RRM1: variants seen among roughly 807,000 people sequenced by gnomAD.
RRM1 encodes ribonucleoside-diphosphate reductase large subunit.
In RRM1, 19 loss-of-function variants were observed where a neutral mutation model predicts 101.5. The ratio of observed to expected loss-of-function variants is 0.19; its 90% CI spans 0.13 to 0.27. RRM1 has a LOEUF of 0.27. Ranked by LOEUF, RRM1 falls within the 10% of genes least tolerant of loss-of-function variation. The pLI, the probability that RRM1 is intolerant of heterozygous loss-of-function variation, is 1.00. For synonymous variants in RRM1, 298 were observed against 323.4 expected (o/e 0.92, Z 0.84); for missense variants, 500 against 962.9 (o/e 0.52, Z 6.36).
chr11:4,097,027 G>A (rs556670714), intron 1 of RRM1, among the ~76,000 whole-genome samples: 63 of 151,968 alleles, frequency 4.1e-4, no homozygotes, highest in Non-Finnish European at 7.5e-4. Flanking sequence ...GCTCACGCCT[G>A]TAATCCCAGC....
intron 4 of RRM1, among the ~76,000 whole-genome samples, chr11:4,108,597 CAAAAA>C: frequency 1.4e-5 from 1 of 72,992 alleles, no homozygotes; most frequent in South Asian, 6.5e-4. Flanking sequence ...GACTCAGTCT[CAAAAA>C]AAAAAAAAAA....
At chr11:4,123,523 A>G in intron 12 of RRM1, 139 bp downstream of exon 12, 1 of 693,654 alleles carries the variant, frequency 1.4e-6, no homozygotes, top group Non-Finnish European at 2.5e-6. Flanking sequence ...TGTTAAAGGC[A>G]GAGAGCAAAG....
rs538858291 is a variant in RRM1 at position 4,134,009 on chromosome 11, C to T, written c.2001+351C>T. Among the ~76,000 whole-genome samples the T allele has an allele frequency of 4.4e-3, 318 of 71,942 alleles. 1 individual carries two copies. The highest frequency in any genetic ancestry group is 6.1e-3 in the Non-Finnish European group (251 of 41,402). 47.2% of individuals were successfully genotyped at this position (71,942 alleles called of 152,430 possible). A position where few individuals can be genotyped will look rare whatever the true frequency, so the allele number is the denominator to read the frequency against. On this transcript the variant is annotated intron_variant, in intron 17 of 18. Coordinates refer to ENST00000300738, the MANE Select transcript of RRM1 (RefSeq NM_001033.5). Reference sequence around the variant, plus strand: ...TTTTTTTTTTTTTTTTTTTTTGAGACGAAGTCTCTGTCGCCCAGGCTGGAG... The same window carrying T: ...TTTTTTTTTTTTTTTTTTTTTGAGATGAAGTCTCTGTCGCCCAGGCTGGAG...
intron 7 of RRM1, among the ~76,000 whole-genome samples, chr11:4,112,649 C>T (rs545124856): frequency 1.4e-4 from 22 of 152,330 alleles, no homozygotes; most frequent in Non-Finnish European, 2.1e-4. Context: ...TAGGCATGAG[C>T]CACCACGCTT....
intron 3 of RRM1, among the ~76,000 whole-genome samples, chr11:4,106,679 C>T (rs1297860819): frequency 2.0e-5 from 3 of 151,852 alleles, no homozygotes; most frequent in Admixed American, 6.6e-5. Flanking sequence ...ACCCGGGAGG[C>T]GGAGGTTGCA....
rs769895469 is a variant in RRM1, at chr11:4,126,728, C to T, written c.1365C>T (p.Val455=). ...CTTCCCTGGCCCTGAATATGTATGT[C>T]ACATCAGAACACACATACGACTTTA... is the stretch of plus-strand genomic sequence containing the variant. ...NLASLALNMY[V]TSEHTYDFKK... is the part of the protein sequence containing the mutation. Residue 455 remains valine (V), a synonymous_variant, in exon 13 of 19, where the codon GTC becomes GTT. Transcript: ENST00000300738. 2 of 1,613,280 alleles carry T rather than the reference C, an allele frequency of 1.2e-6. No homozygotes were observed. Among genetic ancestry groups the T allele is most frequent in the African/African-American group, 2.7e-5 (2 of 74,888 alleles).
intron 18 of RRM1, 143 bp downstream of exon 18, chr11:4,135,413 G>A: frequency 3.4e-6 from 2 of 596,388 alleles, no homozygotes; most frequent in Non-Finnish European, 5.5e-6. Flanking sequence ...ACCAACCCAT[G>A]GTTTTTGTAC....
chr11:4,118,416 T>G lies in RRM1; in HGVS notation c.747T>G (p.Gly249=). 6.2e-7 allele frequency: 1 copy of G among 1,614,106 alleles called. No individual in the cohort carries two copies. The highest frequency in any genetic ancestry group is 8.5e-7 in the Non-Finnish European group (1 of 1,179,990). Residue 249 remains glycine (G), a synonymous_variant, in exon 8 of 19, where the codon GGT becomes GGG. Transcript: ENST00000300738. ...TTTCTAAGTCTGCTGGAGGAATTGG[T>G]GTTGCTGTGAGTTGTATTCGGGCTA... ...ALISKSAGGI[G]VAVSCIRATG... is the part of the protein sequence containing the mutation.
rs34579912 is a variant in RRM1 at position 4,099,295 on chromosome 11, A to ATTTTTTTTTTTTTTTTTTTTTTTT, written c.20-2679_20-2678insTTTTTTTTTTTTTTTTTTTTTTTT. On this transcript the variant is annotated intron_variant, in intron 1 of 18. Coordinates refer to ENST00000300738, the MANE Select transcript of RRM1 (RefSeq NM_001033.5). ...GCTGGGATTACAGCATACCCAGCTA[A>ATTTTTTTTTTTTTTTTTTTTTTTT]TTTTTTTTTTTTTTTTTTTGTATTT... 38 of 76,976 alleles carry ATTTTTTTTTTTTTTTTTTTTTTTT rather than the reference A, an allele frequency of 4.9e-4. 1 individual carries two copies. The highest frequency in any genetic ancestry group is 9.0e-4 in the Admixed American group (5 of 5,564). The allele number at this position is 76,976 out of a possible 1,614,324, so 4.8% of individuals were successfully genotyped here.
intron 1 of RRM1, among the ~76,000 whole-genome samples, chr11:4,097,427 A>C (rs1205193525): frequency 1.3e-5 from 2 of 151,928 alleles, no homozygotes; most frequent in Non-Finnish European, 2.9e-5. Flanking sequence ...AGCAAGACTT[A>C]ATATACAACA....
chr11:4,119,834 C>A lies in RRM1; in HGVS notation c.793-11C>A. Reference sequence around the variant, plus strand: ...TGCCCTCTGTCATTTCTATCATGGTCTCTCTTTTAGACTAATGGCAATTCC... The same window carrying A: ...TGCCCTCTGTCATTTCTATCATGGTATCTCTTTTAGACTAATGGCAATTCC... On this transcript the variant is annotated splice_polypyrimidine_tract_variant and intron_variant, in intron 8 of 18. Transcript: ENST00000300738. The A allele has an allele frequency of 6.4e-7, 1 of 1,552,950 alleles. No homozygotes were observed. Among genetic ancestry groups the A allele is most frequent in the South Asian group, 1.1e-5 (1 of 87,938 alleles).
chr11:4,121,865 T>G, intron 10 of RRM1, 100 bp downstream of exon 10: 1 of 1,133,462 alleles, frequency 8.8e-7, no homozygotes, highest in Non-Finnish European at 1.3e-6. Context: ...CATATGTGTG[T>G]GATGCCACAG....
chr11:4,123,662 T>C (rs933521882), intron 12 of RRM1, among the ~76,000 whole-genome samples: 3 of 152,222 alleles, frequency 2.0e-5, no homozygotes, highest in African/African-American at 7.2e-5. Context: ...TATACAGTTA[T>C]GTTAGTTTAG....
At chr11:4,120,127 T>A (rs1433311857) in intron 9 of RRM1, among the ~76,000 whole-genome samples, 199 bp downstream of exon 9, 2 of 152,178 alleles carry the variant, frequency 1.3e-5, no homozygotes, top group Non-Finnish European at 2.9e-5. Flanking sequence ...TATACACTTG[T>A]GTAATCACCA....
At chr11:4,099,945 C>CA (rs915919986) in intron 1 of RRM1, among the ~76,000 whole-genome samples, 3 of 151,244 alleles carry the variant, frequency 2.0e-5, no homozygotes, top group Non-Finnish European at 2.9e-5. Flanking sequence ...AGTTGCTTTC[C>CA]CCCCCCACTG....
chr11:4,135,114 A>G lies in RRM1; in HGVS notation c.2034A>G (p.Gln678=). 1 of 1,611,986 alleles carries G rather than the reference A, an allele frequency of 6.2e-7. No homozygotes were observed. The highest frequency in any genetic ancestry group is 1.7e-5 in the Admixed American group (1 of 59,788). ...CAGAAATTCCTGATGACCTGAAGCAACTTTATAAAACTGTGTGGGAAATCT... is the reference window on the plus strand; with the variant it reads ...CAGAAATTCCTGATGACCTGAAGCAGCTTTATAAAACTGTGTGGGAAATCT... The part of the protein sequence containing the change: ...SIPEIPDDLK[Q]LYKTVWEISQ... The change falls in exon 18 of 19, where the codon CAA becomes CAG. Residue 678 remains glutamine, a synonymous_variant. Transcript: ENST00000300738.
intron 1 of RRM1, among the ~76,000 whole-genome samples, chr11:4,099,676 A>G (rs1170836053): frequency 3.3e-5 from 5 of 152,106 alleles, no homozygotes; most frequent in East Asian, 3.9e-4. Context: ...AAACTAAGAA[A>G]GGCTTTGCTT....
In RRM1 at chr11:4,121,585, A is replaced by G. The variant is rs1321993702; in HGVS notation, c.877-19A>G. ...TTTCATTTTTATTCTGAAGAGAATT[A>G]TGATTTATTTACCACTAGCGTCCTG... is the stretch of plus-strand genomic sequence containing the variant. On this transcript the variant is annotated intron_variant, in intron 9 of 18. Transcript: ENST00000300738. 1 of 1,584,332 alleles carries G rather than the reference A, an allele frequency of 6.3e-7. No individual in the cohort carries two copies. The highest frequency in any genetic ancestry group is 1.2e-5 in the South Asian group (1 of 85,550).
chr11:4,122,868 G>A (rs1014590726), intron 11 of RRM1, among the ~76,000 whole-genome samples: 5 of 145,620 alleles, frequency 3.4e-5, no homozygotes, highest in African/African-American at 7.9e-5. Context: ...ACGAAACTCC[G>A]TCTCAAAAAA....
Sources: allele counts gnomAD v4.1 joint callset (sites outside exome capture counted in the v4.1 genomes callset), GRCh38; gene constraint gnomAD v4.1.1; transcripts MANE v1.5; gene names NCBI Gene and HGNC (gene_info 2026-07-23, HGNC 2026-07-21).